Variants in CCDC3 observed in about 807,000 individuals in gnomAD.
CCDC3 encodes coiled-coil domain containing 3, also known as coiled-coil domain-containing protein 3.
CCDC3 carries 24 observed loss-of-function variants against 21.4 expected under a neutral mutation model. The observed-to-expected ratio is 1.12, with a 90% CI of 0.81 to 1.58. CCDC3 has a LOEUF of 1.58. CCDC3 is among the 40% of genes most tolerant of loss of function. The pLI, the probability that CCDC3 is intolerant of heterozygous loss-of-function variation, is 0.00. For synonymous variants in CCDC3, 186 were observed against 166.0 expected, an observed-to-expected ratio of 1.12 and a Z score of -0.93; for missense variants, 425 against 360.9, an observed-to-expected ratio of 1.18 and a Z score of -1.44.
intron 2 of CCDC3, among the ~76,000 whole-genome samples, chr10:12,947,145 T>G (rs552624473): frequency 1.3e-5 from 2 of 148,858 alleles, no homozygotes; most frequent in African/African-American, 4.9e-5. Flanking sequence ...TTTGCTCACT[T>G]TTTTTTTTTT....
intron 2 of CCDC3, among the ~76,000 whole-genome samples, chr10:12,937,952 T>G (rs1834766589): frequency 6.6e-6 from 1 of 152,144 alleles, no homozygotes; most frequent in Non-Finnish European, 1.5e-5. Flanking sequence ...GTGGCCCTTA[T>G]CCAATTTTCT....
intron 2 of CCDC3, among the ~76,000 whole-genome samples, chr10:12,983,718 C>T (rs12247278): frequency 0.015 from 2,325 of 150,136 alleles, 64 homozygotes; most frequent in African/African-American, 0.054. Flanking sequence ...CCAAAGAGGC[C>T]GGACAGATGG....
chr10:12,957,238 C>A (rs1835103095), intron 2 of CCDC3, among the ~76,000 whole-genome samples: 1 of 152,172 alleles, frequency 6.6e-6, no homozygotes, highest in Non-Finnish European at 1.5e-5. Flanking sequence ...CTAACTCAGG[C>A]CCCTGCAGGT....
chr10:12,977,515 TAA>T (rs1799004072), intron 2 of CCDC3, among the ~76,000 whole-genome samples: 1 of 152,164 alleles, frequency 6.6e-6, no homozygotes, highest in South Asian at 2.1e-4. Flanking sequence ...CTGTAGCATC[TAA>T]AGTCAATTTC....
chr10:13,041,116 G>GA (rs536975707), intron 5 of CCDC3, among the ~76,000 whole-genome samples: 44 of 151,926 alleles, frequency 2.9e-4, no homozygotes, highest in South Asian at 1.7e-3. Flanking sequence ...AGTGCGCTAA[G>GA]AAAAAAAATT....
chr10:12,916,690 G>C (rs990882754), intron 2 of CCDC3, among the ~76,000 whole-genome samples: 1 of 152,114 alleles, frequency 6.6e-6, no homozygotes, highest in African/African-American at 2.4e-5. Flanking sequence ...TCAAAGCCTG[G>C]AGCCAAGTGG....
At chr10:12,969,344 CAGTT>C (rs1835306530) in intron 2 of CCDC3, among the ~76,000 whole-genome samples, 3 of 152,048 alleles carry the variant, frequency 2.0e-5, no homozygotes, top group Admixed American at 6.5e-5. Context: ...ACCTTTGTAA[CAGTT>C]GGTGGGAATG....
chr10:13,040,868 A>C (rs1836445637), intron 5 of CCDC3, among the ~76,000 whole-genome samples: 3 of 152,096 alleles, frequency 2.0e-5, no homozygotes, highest in African/African-American at 7.2e-5. Flanking sequence ...CTATCTAGTA[A>C]ATTATTTCCT....
intron 5 of CCDC3, among the ~76,000 whole-genome samples, chr10:13,034,419 C>T (rs563717626): frequency 5.7e-4 from 86 of 151,336 alleles, no homozygotes; most frequent in African/African-American, 2.0e-3. Flanking sequence ...TGCAGCACAC[C>T]AACATGGCAC....
intron 5 of CCDC3, among the ~76,000 whole-genome samples, chr10:13,029,239 A>T (rs2131410066): frequency 6.6e-6 from 1 of 152,254 alleles, no homozygotes; most frequent in Non-Finnish European, 1.5e-5. Flanking sequence ...CTGTTGGCTT[A>T]AAAACAGGTC....
At chr10:12,950,257 T>C (rs1834987591) in intron 2 of CCDC3, among the ~76,000 whole-genome samples, 1 of 152,222 alleles carries the variant, frequency 6.6e-6, no homozygotes, top group Non-Finnish European at 1.5e-5. Flanking sequence ...TTAATAATTA[T>C]TGAATGCATG....
intron 2 of CCDC3, among the ~76,000 whole-genome samples, chr10:12,929,114 T>A (rs927281421): frequency 1.4e-4 from 22 of 151,756 alleles, no homozygotes; most frequent in Non-Finnish European, 3.1e-4. Context: ...ATACAAAAAT[T>A]AGCTGGGCGC....
chr10:12,957,647 G>T (rs771179451), intron 2 of CCDC3, among the ~76,000 whole-genome samples: 1 of 152,086 alleles, frequency 6.6e-6, no homozygotes, highest in African/African-American at 2.4e-5. Context: ...GTTCTCTCGA[G>T]ATCTGATTGT....
upstream of CCDC3, among the ~76,000 whole-genome samples, chr10:13,004,364 C>T (rs969226608): frequency 4.6e-5 from 7 of 152,132 alleles, no homozygotes; most frequent in African/African-American, 1.7e-4. Flanking sequence ...GGCCTTGAGA[C>T]CACTGCTGCA....
chr10:13,040,701 A>T (rs1021169282), intron 5 of CCDC3, among the ~76,000 whole-genome samples: 8 of 151,534 alleles, frequency 5.3e-5, no homozygotes, highest in Admixed American at 3.3e-4. Flanking sequence ...ACACACACAC[A>T]CACACACACA....
chr10:13,005,239 A>G (rs534795399), upstream of CCDC3, among the ~76,000 whole-genome samples: 1 of 152,368 alleles, frequency 6.6e-6, no homozygotes, highest in East Asian at 1.9e-4. Flanking sequence ...AAAAATCTTC[A>G]AACCAGTCTT....
upstream of CCDC3, among the ~76,000 whole-genome samples, chr10:13,004,166 AG>A (rs2131290257): frequency 6.6e-6 from 1 of 152,302 alleles, no homozygotes; most frequent in South Asian, 2.1e-4. Context: ...TGGGGTGGAT[AG>A]TACCGTATAT....
chr10:12,945,575 G>A (rs971372320), intron 2 of CCDC3, among the ~76,000 whole-genome samples: 2 of 152,170 alleles, frequency 1.3e-5, no homozygotes, highest in Admixed American at 6.5e-5. Flanking sequence ...TCAAAAGTAC[G>A]CTGATACAAA....
At chr10:12,994,865 G>C (rs909745031) in intron 2 of CCDC3, among the ~76,000 whole-genome samples, 5 of 152,092 alleles carry the variant, frequency 3.3e-5, no homozygotes, top group African/African-American at 1.2e-4. Context: ...TGGATCATCT[G>C]AGGTCAGGAG....
Sources: gnomAD v4.1 joint callset for allele counts (sites outside exome capture counted in the v4.1 genomes callset) on GRCh38, gnomAD v4.1.1 for gene constraint, MANE v1.5 for transcripts, NCBI Gene and HGNC (gene_info 2026-07-23, HGNC 2026-07-21) for gene names.